Variants in LTBP1 observed in about 807,000 individuals in gnomAD.
LTBP1 encodes the protein latent transforming growth factor beta binding protein 1, also known as latent-transforming growth factor beta-binding protein 1.
Under a neutral mutation model 207.6 loss-of-function variants are expected in LTBP1, and 129 were observed. The observed-to-expected ratio is 0.62, with a 90% CI of 0.54 to 0.72. LTBP1 has a LOEUF of 0.72. LTBP1 is among the 30% of genes least tolerant of loss of function. The pLI, the probability that LTBP1 is intolerant of heterozygous loss-of-function variation, is 0.00. For synonymous variants in LTBP1, 963 were observed against 833.7 expected, an observed-to-expected ratio of 1.16 and a Z score of -2.67; for missense variants, 2,281 against 2,217.2, an observed-to-expected ratio of 1.03 and a Z score of -0.58.
At chr2:33,362,700 T>C (rs1371658679) in intron 28 of LTBP1, among the ~76,000 whole-genome samples, 1 of 152,188 alleles carries the variant, frequency 6.6e-6, no homozygotes, top group Non-Finnish European at 1.5e-5. Context: ...TAGATGACCT[T>C]AGCTCTAAAA....
intron 9 of LTBP1, among the ~76,000 whole-genome samples, chr2:33,232,661 C>A (rs559510020): frequency 1.3e-5 from 2 of 152,060 alleles, no homozygotes; most frequent in African/African-American, 4.8e-5. Context: ...AGATAAACAA[C>A]AAATAGGTTT....
At chr2:32,962,775 T>C (rs72789875) in intron 2 of LTBP1, among the ~76,000 whole-genome samples, 17,246 of 152,298 alleles carry the variant, frequency 0.11, 1,143 homozygotes, top group Middle Eastern at 0.16. Context: ...GCCTCGTGGC[T>C]CTCAAAGTAT....
intron 16 of LTBP1, 74 bp from the exon 17 acceptor site, chr2:33,274,891 G>A: frequency 2.8e-6 from 4 of 1,451,280 alleles, no homozygotes; most frequent in Non-Finnish European, 3.8e-6. Flanking sequence ...ATAGTATGAT[G>A]GTATTTTACA....
intron 9 of LTBP1, among the ~76,000 whole-genome samples, chr2:33,234,584 A>G (rs1369349837): frequency 6.6e-6 from 1 of 152,218 alleles, no homozygotes; most frequent in Non-Finnish European, 1.5e-5. Context: ...GACACAAACA[A>G]ATGGAAAAAC....
intron 24 of LTBP1, among the ~76,000 whole-genome samples, chr2:33,329,138 G>T (rs573602125): frequency 6.6e-6 from 1 of 152,282 alleles, no homozygotes; most frequent in African/African-American, 2.4e-5. Flanking sequence ...CCAGCAAAGG[G>T]TTAAGAGTCT....
intron 5 of LTBP1, among the ~76,000 whole-genome samples, chr2:33,178,288 A>G (rs1381703326): frequency 6.6e-6 from 1 of 152,184 alleles, no homozygotes; most frequent in Non-Finnish European, 1.5e-5. Context: ...GTGAAGTGGA[A>G]TTTTATGACA....
At chr2:33,099,902 G>T (rs1486450311) in intron 3 of LTBP1, among the ~76,000 whole-genome samples, 1 of 152,140 alleles carries the variant, frequency 6.6e-6, no homozygotes, top group Non-Finnish European at 1.5e-5. Flanking sequence ...ATTCTTCTAG[G>T]CTTAAAGGTC....
intron 4 of LTBP1, among the ~76,000 whole-genome samples, chr2:33,123,805 A>C (rs2081284955): frequency 6.6e-6 from 1 of 152,180 alleles, no homozygotes; most frequent in Non-Finnish European, 1.5e-5. Context: ...TAAGCACTTT[A>C]TATGCATTAA....
intron 5 of LTBP1, among the ~76,000 whole-genome samples, chr2:33,171,637 G>A (rs2148438837): frequency 6.6e-6 from 1 of 151,844 alleles, no homozygotes; most frequent in South Asian, 2.1e-4. Context: ...CCAACATTCA[G>A]ATTCAGGAAA....
chr2:33,239,207 G>A (rs1229162895), intron 9 of LTBP1, among the ~76,000 whole-genome samples: 1 of 152,226 alleles, frequency 6.6e-6, no homozygotes, highest in Non-Finnish European at 1.5e-5. Context: ...GCTCCTTCAT[G>A]TTAGCTGTAG....
intron 2 of LTBP1, among the ~76,000 whole-genome samples, chr2:32,980,651 A>G (rs1484811614): frequency 3.3e-5 from 5 of 152,128 alleles, no homozygotes; most frequent in East Asian, 3.8e-4. Flanking sequence ...ATAACATTCT[A>G]TGTACTTAAT....
chr2:33,335,774 C>T (rs1039152956), intron 24 of LTBP1, among the ~76,000 whole-genome samples: 5 of 152,150 alleles, frequency 3.3e-5, no homozygotes, highest in Admixed American at 1.3e-4. Context: ...CTCTCCTAGC[C>T]GGCTTCCATT....
chr2:33,049,945 G>A (rs1455185355), intron 3 of LTBP1, among the ~76,000 whole-genome samples: 1 of 151,634 alleles, frequency 6.6e-6, no homozygotes, highest in East Asian at 1.9e-4. Context: ...GGGCTCAAGC[G>A]ATCCTCCCAC....
intron 2 of LTBP1, among the ~76,000 whole-genome samples, chr2:32,982,212 A>C (rs908825856): frequency 1.3e-5 from 2 of 152,162 alleles, no homozygotes; most frequent in African/African-American, 4.8e-5. Context: ...GCTGGAGCAA[A>C]GGTGATTCTT....
chr2:33,093,714 A>G (rs1470064092), intron 3 of LTBP1, among the ~76,000 whole-genome samples: 2 of 152,128 alleles, frequency 1.3e-5, no homozygotes, highest in Non-Finnish European at 2.9e-5. Flanking sequence ...GATTTCTTGC[A>G]AAGAGAAATC....
At chr2:33,154,090 C>G (rs1323551374) in intron 5 of LTBP1, among the ~76,000 whole-genome samples, 2 of 152,218 alleles carry the variant, frequency 1.3e-5, no homozygotes, top group African/African-American at 2.4e-5. Flanking sequence ...CTGCCTGTAC[C>G]TTTGTCAAGA....
chr2:32,992,085 C>T (rs750311857), intron 2 of LTBP1, among the ~76,000 whole-genome samples: 10 of 152,144 alleles, frequency 6.6e-5, no homozygotes, highest in Non-Finnish European at 1.2e-4. Context: ...TAAGATCTTA[C>T]GATATCTGCT....
intron 17 of LTBP1, among the ~76,000 whole-genome samples, chr2:33,275,475 G>T (rs779834668): frequency 2.0e-5 from 3 of 152,026 alleles, no homozygotes; most frequent in Non-Finnish European, 4.4e-5. Context: ...ACCTGAGGTC[G>T]GGAGTTTGAG....
intron 15 of LTBP1, among the ~76,000 whole-genome samples, chr2:33,269,929 A>C (rs1029589276): frequency 6.6e-6 from 1 of 151,690 alleles, no homozygotes; most frequent in Non-Finnish European, 1.5e-5. Context: ...TTTAAAGTAT[A>C]AGTACCAGTA....
Sources: allele counts gnomAD v4.1 joint callset (sites outside exome capture counted in the v4.1 genomes callset), GRCh38; gene constraint gnomAD v4.1.1; transcripts MANE v1.5; gene names NCBI Gene and HGNC (gene_info 2026-07-23, HGNC 2026-07-21).